INPP4B: variants seen among roughly 807,000 people sequenced by gnomAD.
INPP4B encodes inositol polyphosphate-4-phosphatase type II B, also known as inositol polyphosphate 4-phosphatase type II.
Under a neutral mutation model 122.5 loss-of-function variants are expected in INPP4B, and 55 were observed. The ratio of observed to expected loss-of-function variants is 0.45; its 90% CI spans 0.36 to 0.56. INPP4B has a LOEUF of 0.56. Among genes scored for constraint, INPP4B ranks in the 20% least tolerant of loss-of-function variants. The pLI is 0.00. For synonymous variants in INPP4B, 403 were observed against 388.7 expected, an observed-to-expected ratio of 1.04 and a Z score of -0.43; for missense variants, 1,000 against 1,097.7, an observed-to-expected ratio of 0.91 and a Z score of 1.26.
At chr4:142,417,891 GTCTATT>G (rs1478416071) in intron 5 of INPP4B, among the ~76,000 whole-genome samples, 1 of 152,122 alleles carries the variant, frequency 6.6e-6, no homozygotes, top group Non-Finnish European at 1.5e-5. Context: ...CCTTATGTCA[GTCTATT>G]TCTATTATTT....
intron 12 of INPP4B, among the ~76,000 whole-genome samples, chr4:142,237,508 G>A (rs971027845): frequency 1.4e-4 from 21 of 151,916 alleles, no homozygotes; most frequent in Admixed American, 6.6e-5. Flanking sequence ...ATCTGCAAGC[G>A]TGGCTAAGAA....
intron 18 of INPP4B, 78 bp downstream of exon 18, chr4:142,145,762 C>T: frequency 7.0e-7 from 1 of 1,421,400 alleles, no homozygotes; most frequent in Non-Finnish European, 9.8e-7. Flanking sequence ...GACTCCTCTT[C>T]TTCTATATCA....
chr4:142,360,537 A>G (rs1785048829), intron 7 of INPP4B, among the ~76,000 whole-genome samples: 1 of 151,966 alleles, frequency 6.6e-6, no homozygotes, highest in Non-Finnish European at 1.5e-5. Context: ...TCATTTTACA[A>G]AGACAAGTGT....
At chr4:142,562,864 G>C (rs931912833) in intron 2 of INPP4B, among the ~76,000 whole-genome samples, 1 of 151,980 alleles carries the variant, frequency 6.6e-6, no homozygotes, top group Non-Finnish European at 1.5e-5. Context: ...TTCTAAGGTG[G>C]ATAAGAAAAT....
chr4:142,460,420 G>C (rs1195771754), intron 3 of INPP4B, among the ~76,000 whole-genome samples: 1 of 152,180 alleles, frequency 6.6e-6, no homozygotes, highest in Non-Finnish European at 1.5e-5. Flanking sequence ...CAGATAACAT[G>C]CTCCCCAGAT....
At chr4:142,066,452 C>A (rs1763540509) in intron 25 of INPP4B, among the ~76,000 whole-genome samples, 1 of 152,142 alleles carries the variant, frequency 6.6e-6, no homozygotes, top group Non-Finnish European at 1.5e-5. Context: ...GATTGCTGGA[C>A]CCACGTGTGG....
chr4:142,543,760 T>C (rs1239352607), intron 2 of INPP4B, among the ~76,000 whole-genome samples: 1 of 152,210 alleles, frequency 6.6e-6, no homozygotes, highest in Admixed American at 6.6e-5. Flanking sequence ...ATATTGTATA[T>C]AGTTAGTGAA....
intron 25 of INPP4B, among the ~76,000 whole-genome samples, chr4:142,042,514 G>GTA (rs199574325): frequency 0.19 from 6,549 of 35,230 alleles, 241 homozygotes; most frequent in East Asian, 0.47. Flanking sequence ...ATTTATGTGT[G>GTA]TGTGTATGTA....
At chr4:142,214,724 C>T (rs1168404093) in intron 12 of INPP4B, among the ~76,000 whole-genome samples, 2 of 151,954 alleles carry the variant, frequency 1.3e-5, no homozygotes, top group Non-Finnish European at 2.9e-5. Context: ...GGCTAATCTT[C>T]GTATTTTTAG....
intron 2 of INPP4B, among the ~76,000 whole-genome samples, chr4:142,508,944 A>C (rs1349614098): frequency 1.3e-5 from 2 of 152,176 alleles, no homozygotes; most frequent in African/African-American, 2.4e-5. Flanking sequence ...CTCGGCTATA[A>C]ATAATTAGAC....
intron 23 of INPP4B, among the ~76,000 whole-genome samples, chr4:142,096,741 T>C (rs1231145302): frequency 6.6e-6 from 1 of 152,134 alleles, no homozygotes; most frequent in Admixed American, 6.6e-5. Context: ...ATTACAAGTG[T>C]GTAAAAATAT....
chr4:142,258,113 T>C (rs1483970544), intron 11 of INPP4B, among the ~76,000 whole-genome samples: 1 of 151,698 alleles, frequency 6.6e-6, no homozygotes, highest in East Asian at 1.9e-4. Flanking sequence ...AAGGATTCCC[T>C]ATTTAATAAA....
At chr4:142,770,765 A>G (rs1436437532) in intron 1 of INPP4B, among the ~76,000 whole-genome samples, 1 of 152,156 alleles carries the variant, frequency 6.6e-6, no homozygotes, top group Non-Finnish European at 1.5e-5. Context: ...TCTGAGAGGC[A>G]GTGGTGATAC....
intron 12 of INPP4B, among the ~76,000 whole-genome samples, chr4:142,219,299 T>C (rs1301109182): frequency 1.3e-5 from 2 of 152,092 alleles, no homozygotes; most frequent in Non-Finnish European, 2.9e-5. Flanking sequence ...CCAGATTCTA[T>C]AATTTAATTT....
intron 11 of INPP4B, among the ~76,000 whole-genome samples, chr4:142,253,680 C>G (rs1380847820): frequency 6.6e-6 from 1 of 152,236 alleles, no homozygotes; most frequent in Admixed American, 6.5e-5. Context: ...GAGATTATAT[C>G]CCGCACCTGG....
At chr4:142,687,092 G>C (rs1326902708) in intron 2 of INPP4B, among the ~76,000 whole-genome samples, 1 of 151,848 alleles carries the variant, frequency 6.6e-6, no homozygotes, top group Non-Finnish European at 1.5e-5. Context: ...ACAAGATGGG[G>C]GACTTTTTTA....
Position 142,422,217 on chromosome 4 carries a change from C to T in INPP4B, c.136+6956G>A, listed in dbSNP as rs114914104. On this transcript the variant is annotated intron_variant, in intron 5 of 25. Transcript: ENST00000262992. The stretch of plus-strand genomic sequence containing the variant: ...ATCAGGGATGATAAAAGAGCAATTA[C>T]TCATAATGAAATGATAAGAAGTAAT... Among the ~76,000 whole-genome samples the T allele has an allele frequency of 6.2e-3, 936 of 152,098 alleles. 6 individuals are homozygous for T. Among genetic ancestry groups the T allele is most frequent in the Non-Finnish European group, 0.011 (716 of 67,986 alleles).
At chr4:142,816,293 A>C (rs1780106864) in intron 1 of INPP4B, among the ~76,000 whole-genome samples, 1 of 152,192 alleles carries the variant, frequency 6.6e-6, no homozygotes, top group Admixed American at 6.6e-5. Context: ...CAAAGTTGCT[A>C]ATTTCCATTT....
intron 16 of INPP4B, among the ~76,000 whole-genome samples, chr4:142,164,873 A>C (rs1821929626): frequency 6.6e-6 from 1 of 151,612 alleles, no homozygotes; most frequent in African/African-American, 2.4e-5. Flanking sequence ...GCTAGGATTA[A>C]AAACGTGAGC....
Sources: allele counts gnomAD v4.1 joint callset (sites outside exome capture counted in the v4.1 genomes callset), GRCh38; gene constraint gnomAD v4.1.1; transcripts MANE v1.5; gene names NCBI Gene and HGNC (gene_info 2026-07-23, HGNC 2026-07-21).